CD82: variants seen among roughly 807,000 people sequenced by gnomAD.
CD82 encodes the protein CD82 molecule, also known as CD82 antigen.
In CD82, 36 loss-of-function variants were observed where a neutral mutation model predicts 37.4. The ratio of observed to expected loss-of-function variants is 0.96; its 90% confidence interval spans 0.74 to 1.27. CD82 has a LOEUF of 1.27. Ranked by LOEUF, CD82 falls within the 50% of genes most tolerant of loss-of-function variation. The pLI is 0.00. For synonymous variants in CD82, 158 were observed against 137.4 expected, an observed-to-expected ratio of 1.15 and a Z score of -1.05; for missense variants, 340 against 347.0, an observed-to-expected ratio of 0.98 and a Z score of 0.16.
chr11:44,612,764 CTGGGACTACAGGCA>C (rs1453819320), intron 6 of CD82, among the ~76,000 whole-genome samples: 1 of 150,392 alleles, frequency 6.6e-6, no homozygotes, highest in Non-Finnish European at 1.5e-5. Flanking sequence ...TCGCGAGTAG[CTGGGACTACAGGCA>C]CCTGCCATTC....
chr11:44,613,861 A>T (rs1853522295), intron 6 of CD82, among the ~76,000 whole-genome samples: 1 of 150,696 alleles, frequency 6.6e-6, no homozygotes, highest in African/African-American at 2.4e-5. Context: ...AAAAAGTGAG[A>T]TGTTTTTGGA....
chr11:44,585,648 G>A (rs1853043408), intron 1 of CD82, among the ~76,000 whole-genome samples: 1 of 152,256 alleles, frequency 6.6e-6, no homozygotes, highest in Non-Finnish European at 1.5e-5. Flanking sequence ...ATACCCGGCA[G>A]AGCCAGGGGT....
intron 1 of CD82, among the ~76,000 whole-genome samples, chr11:44,570,130 A>G (rs1373150261): frequency 6.6e-6 from 1 of 152,186 alleles, no homozygotes; most frequent in African/African-American, 2.4e-5. Context: ...CCAAGACGCC[A>G]GTCATGTCTG....
At chr11:44,608,934 C>T (rs1333880281) in intron 6 of CD82, among the ~76,000 whole-genome samples, 2 of 151,636 alleles carry the variant, frequency 1.3e-5, no homozygotes, top group African/African-American at 4.9e-5. Flanking sequence ...TCGTGCGGCA[C>T]TCAGCCGGAG....
At chr11:44,587,260 C>A in intron 1 of CD82, 1 of 349,750 alleles carries the variant, frequency 2.9e-6, no homozygotes, top group Non-Finnish European at 5.7e-6. Flanking sequence ...TTGCAAAGGC[C>A]CTCAGGTAGG....
intron 2 of CD82, 33 bp from the exon 3 acceptor site, chr11:44,594,610 C>T (rs1049992485): frequency 1.5e-5 from 20 of 1,363,722 alleles, no homozygotes; most frequent in Non-Finnish European, 2.1e-5. Context: ...TGAGCTGATC[C>T]CCTCACTGGC....
chr11:44,568,445 A>T (rs1398486806), intron 1 of CD82, among the ~76,000 whole-genome samples: 5 of 138,124 alleles, frequency 3.6e-5, no homozygotes, highest in African/African-American at 5.5e-5. Flanking sequence ...AATGCTACAG[A>T]GGGGTTTGCC....
At chr11:44,571,782 T>A (rs1852818254) in intron 1 of CD82, among the ~76,000 whole-genome samples, 1 of 152,132 alleles carries the variant, frequency 6.6e-6, no homozygotes, top group South Asian at 2.1e-4. Flanking sequence ...ACCATATTGA[T>A]CAGGCTGCTC....
Position 44,618,652 on chromosome 11 carries a change from A to G in CD82, c.655A>G (p.Lys219Glu). Reference protein sequence around the residue: ...WPVYQEGCMEKVQAWLQENLG... With the variant: ...WPVYQEGCMEEVQAWLQENLG... ...TCTGCCCTTGCAGGGCTGCATGGAG[A>G]AGGTGCAGGCGTGGCTGCAGGAGAA... The change falls in exon 9 of 10, where the codon AAG becomes GAG. Residue 219 changes from lysine (K) to glutamate (E), a missense_variant. Lys to Glu is a moderately conservative substitution (Grantham distance 56). Transcript: ENST00000227155. The G allele has an allele frequency of 6.2e-7, 1 of 1,611,668 alleles. No homozygotes were observed. The highest frequency in any genetic ancestry group is 8.5e-7 in the Non-Finnish European group (1 of 1,179,698).
At chr11:44,617,043 CA>C (rs912346729) in intron 7 of CD82, among the ~76,000 whole-genome samples, 2 of 152,114 alleles carry the variant, frequency 1.3e-5, no homozygotes, top group Non-Finnish European at 2.9e-5. Context: ...GTGTGCCTGG[CA>C]CGCCCCCTGC....
Position 44,603,551 on chromosome 11 carries a change from C to T in CD82, c.137-1507C>T, listed in dbSNP as rs112611647. Among the ~76,000 whole-genome samples, 896 of 152,210 alleles carry T rather than the reference C, an allele frequency of 5.9e-3. 5 individuals carry two copies. The highest frequency in any genetic ancestry group is 0.021 in the African/African-American group (857 of 41,528). ...GGCCTCCTGCTGGGAGCGTCTTGGT[C>T]GGGTTGTAACGGACTCAAGCATCTG... On this transcript the variant is annotated intron_variant, in intron 4 of 9. Coordinates refer to ENST00000227155, the MANE Select transcript of CD82 (RefSeq NM_002231.4).
chr11:44,617,312 A>C (rs1447796565), intron 7 of CD82, among the ~76,000 whole-genome samples: 1 of 152,128 alleles, frequency 6.6e-6, no homozygotes, highest in African/African-American at 2.4e-5. Context: ...TAATCCCAGC[A>C]CTTTGGGAGG....
At chr11:44,579,736 G>A (rs55954253) in intron 1 of CD82, among the ~76,000 whole-genome samples, 21,811 of 152,198 alleles carry the variant, frequency 0.14, 2,118 homozygotes, top group Non-Finnish European at 0.21. Flanking sequence ...GGAACCAGGG[G>A]CCCTCTGTGG....
In CD82 at chr11:44,619,414, C is replaced by A; in HGVS notation, c.*288C>A. On this transcript the variant is annotated 3_prime_UTR_variant, in exon 10 of 10. Coordinates refer to ENST00000227155, the MANE Select transcript of CD82 (RefSeq NM_002231.4). Reference sequence around the variant, plus strand: ...GCGTCCCTGGCGCAGGTGGGCTGGACTTCTACCTGCCCTCAAGGGTGTGTA... The same window carrying A: ...GCGTCCCTGGCGCAGGTGGGCTGGAATTCTACCTGCCCTCAAGGGTGTGTA... 1 of 468,282 alleles carries A rather than the reference C, an allele frequency of 2.1e-6. No individual in the cohort carries two copies. The highest frequency in any genetic ancestry group is 3.9e-6 in the Non-Finnish European group (1 of 255,074). The allele number at this position is 468,282 out of a possible 1,614,324, so 29.0% of individuals were successfully genotyped here.
intron 8 of CD82, 104 bp downstream of exon 8, chr11:44,618,469 T>G: frequency 5.5e-6 from 6 of 1,097,598 alleles, no homozygotes; most frequent in Non-Finnish European, 8.1e-6. Flanking sequence ...TTCCCTTAAT[T>G]CATCTGTCAT....
rs73454720 is a variant in CD82, at chr11:44,581,378, A to C, written c.-102-6097A>C. ...GGTGATGAGCAGTGGCTTATCTCAT[A>C]GGATCATTGCAGGGATAAACTGAGC... On this transcript the variant is annotated intron_variant, in intron 1 of 9. Coordinates refer to ENST00000227155, the MANE Select transcript of CD82 (RefSeq NM_002231.4). 3.5e-3 allele frequency among the ~76,000 whole-genome samples: 538 copies of C among 152,338 alleles called. 3 individuals are homozygous for C. Among genetic ancestry groups the C allele is most frequent in the African/African-American group, 0.013 (527 of 41,576 alleles).
At chr11:44,588,670 C>A (rs1289708169) in intron 2 of CD82, among the ~76,000 whole-genome samples, 2 of 152,130 alleles carry the variant, frequency 1.3e-5, no homozygotes, top group East Asian at 1.9e-4. Context: ...GTTCAGGGAG[C>A]TGCTCTAGTC....
rs1324934195 is a variant in CD82, at chr11:44,599,099, A to G, written c.64-1059A>G. On this transcript the variant is annotated intron_variant, in intron 3 of 9. Transcript: ENST00000227155. The stretch of plus-strand genomic sequence containing the variant: ...CAGCCCTGGTAGATGGGAGAGAGGC[A>G]GGGAATCCCTGGGCTTGGGATCCTT... Among the ~76,000 whole-genome samples the G allele has an allele frequency of 2.0e-5, 3 of 152,338 alleles. No homozygotes were observed. The East Asian group carries it at 5.8e-4, about 29-fold the overall frequency.
Position 44,618,401 on chromosome 11 carries a change from G to A in CD82, c.642+36G>A, listed in dbSNP as rs756298424. 8.7e-5 allele frequency: 138 copies of A among 1,579,734 alleles called. 1 individual carries two copies. The highest frequency in any genetic ancestry group is 1.1e-4 in the Non-Finnish European group (128 of 1,155,702). ...GGCTGCGGATCGGGGGCGGGGCTCC[G>A]AGGGCGTTGGGGGCCATCTGGGCTA... On this transcript the variant is annotated intron_variant, in intron 8 of 9. Coordinates refer to ENST00000227155, the MANE Select transcript of CD82 (RefSeq NM_002231.4).
Sources: allele counts gnomAD v4.1 joint callset (sites outside exome capture counted in the v4.1 genomes callset), GRCh38; gene constraint gnomAD v4.1.1; transcripts MANE v1.5; gene names NCBI Gene and HGNC (gene_info 2026-07-23, HGNC 2026-07-21).